Variants in TTC28 observed in about 807,000 individuals in gnomAD.
TTC28 encodes tetratricopeptide repeat domain 28.
In TTC28, 61 loss-of-function variants were observed where a neutral mutation model predicts 198.0. The observed-to-expected ratio is 0.31, with a 90% CI of 0.25 to 0.38. TTC28 has a LOEUF of 0.38. Ranked by LOEUF, TTC28 falls within the 10% of genes least tolerant of loss-of-function variation. TTC28 has a pLI of 1.00. For synonymous variants in TTC28, 1,171 were observed against 1,297.8 expected (o/e 0.90, Z 2.10); for missense variants, 2,678 against 3,164.0 (o/e 0.85, Z 3.69).
intron 2 of TTC28, among the ~76,000 whole-genome samples, chr22:28,526,042 A>G (rs940091061): frequency 1.3e-5 from 2 of 152,242 alleles, no homozygotes; most frequent in African/African-American, 2.4e-5. Flanking sequence ...TAGTAATGCT[A>G]TCAACAAAGT....
At chr22:28,529,941 A>T (rs1569002074) in intron 2 of TTC28, among the ~76,000 whole-genome samples, 1 of 152,198 alleles carries the variant, frequency 6.6e-6, no homozygotes, top group Non-Finnish European at 1.5e-5. Flanking sequence ...ATAAAACCAC[A>T]AAAATGGGGA....
chr22:28,586,960 G>A (rs1439849283), intron 2 of TTC28, among the ~76,000 whole-genome samples: 1 of 152,156 alleles, frequency 6.6e-6, no homozygotes, highest in African/African-American at 2.4e-5. Context: ...GGTAGCTCAC[G>A]TGTGTAATCT....
In TTC28 at chr22:27,983,379, C is replaced by T. The variant is rs61746677; in HGVS notation, c.6288G>A (p.Ser2096=). 12 of 1,551,058 alleles carry T rather than the reference C, an allele frequency of 7.7e-6. No homozygotes were observed. The highest frequency in any genetic ancestry group is 2.4e-5 in the East Asian group (1 of 40,890). The change falls in exon 23 of 23, where the codon TCG becomes TCA. Residue 2096 remains serine (S), a synonymous_variant. Coordinates refer to ENST00000397906, the MANE Select transcript of TTC28 (RefSeq NM_001145418.2). ...QPGTAGGMRV[S]VSSKGSISTP... is the part of the protein sequence containing the mutation. ...TGCTGATGCTCCCTTTGGAGCTCAC[C>T]GAGACTCTCATGCCTCCGGCTGTCC...
chr22:28,215,513 G>A (rs1476507408), intron 5 of TTC28, among the ~76,000 whole-genome samples: 11 of 152,114 alleles, frequency 7.2e-5, no homozygotes, highest in Non-Finnish European at 1.6e-4. Context: ...ATTTTCTTCT[G>A]TATAAAAATA....
chr22:28,312,223 T>C (rs1183408913), intron 2 of TTC28, among the ~76,000 whole-genome samples: 1 of 152,028 alleles, frequency 6.6e-6, no homozygotes, highest in South Asian at 2.1e-4. Flanking sequence ...AGCAAGTTCT[T>C]AGAGACCTAC....
chr22:28,099,954 T>C (rs1291110809), intron 9 of TTC28, among the ~76,000 whole-genome samples: 1 of 152,232 alleles, frequency 6.6e-6, no homozygotes, highest in Non-Finnish European at 1.5e-5. Context: ...CCCACTCACA[T>C]AGACATTCTG....
At chr22:28,660,695 T>G (rs2145694503) in intron 1 of TTC28, among the ~76,000 whole-genome samples, 1 of 152,190 alleles carries the variant, frequency 6.6e-6, no homozygotes. Flanking sequence ...GGCTAATTTT[T>G]GTGTTTTCAG....
chr22:28,376,620 C>T (rs2046412970), intron 2 of TTC28, among the ~76,000 whole-genome samples: 1 of 152,064 alleles, frequency 6.6e-6, no homozygotes, highest in Non-Finnish European at 1.5e-5. Context: ...AAGGGGTAAG[C>T]CCTACCTCTA....
At chr22:28,552,743 GCCTCTC>G (rs1225856095) in intron 2 of TTC28, among the ~76,000 whole-genome samples, 13 of 149,052 alleles carry the variant, frequency 8.7e-5, no homozygotes, top group East Asian at 4.0e-4. Flanking sequence ...ATGGATCAAA[GCCTCTC>G]CCTCTCCCTC....
chr22:28,389,368 G>C lies in TTC28; in HGVS notation c.382-82725C>G, dbSNP rs966050361. Among the ~76,000 whole-genome samples, 3 of 151,758 alleles carry C rather than the reference G, an allele frequency of 2.0e-5. No individual in the cohort carries two copies. The East Asian group carries it at 5.8e-4, about 29-fold the overall frequency. ...GATGCTGGCCTCATAAAATGAGTTA[G>C]GGAGGATTCCCTCTTTTTCTATTGA... On this transcript the variant is annotated intron_variant, in intron 2 of 22. Coordinates refer to ENST00000397906, the MANE Select transcript of TTC28 (RefSeq NM_001145418.2).
At chr22:28,006,759 T>C (rs573077821) in intron 14 of TTC28, 2 of 152,350 alleles carry the variant, frequency 1.3e-5, no homozygotes, top group South Asian at 2.1e-4. Flanking sequence ...TGAATTCTGA[T>C]TGGATTGCCG....
intron 6 of TTC28, among the ~76,000 whole-genome samples, chr22:28,162,128 A>G (rs1921284768): frequency 6.6e-6 from 1 of 152,196 alleles, no homozygotes; most frequent in Admixed American, 6.5e-5. Flanking sequence ...CTGTTTGAAT[A>G]CAGGGATAAG....
intron 18 of TTC28, chr22:27,993,043 G>A (rs930795033): frequency 2.4e-5 from 14 of 572,722 alleles, no homozygotes; most frequent in Middle Eastern, 4.6e-4. Context: ...CCATCATCCC[G>A]GGAAGGGGCA....
At position 28,076,644 on chromosome 22, in the gene TTC28, A is replaced by G. The variant is rs978349493; in HGVS notation, c.3932+17436T>C. Among the ~76,000 whole-genome samples the G allele has an allele frequency of 1.1e-4, 16 of 152,296 alleles. No homozygotes were observed. The Middle Eastern group carries it at 0.01, about 97-fold the overall frequency. On this transcript the variant is annotated intron_variant, in intron 12 of 22. Transcript: ENST00000397906. ...CAGGCTGGAGTGCAGTGGCGCAACC[A>G]TAGCTCACTGCAGGCTCAAACTCCT...
At chr22:28,047,516 A>G (rs950740228) in intron 12 of TTC28, among the ~76,000 whole-genome samples, 1 of 152,226 alleles carries the variant, frequency 6.6e-6, no homozygotes, top group Non-Finnish European at 1.5e-5. Flanking sequence ...ACCTGGGTCC[A>G]GCAAGCCGCA....
In TTC28 at chr22:28,564,432, C is replaced by G. The variant is rs1474252954; in HGVS notation, c.381+65120G>C. Among the ~76,000 whole-genome samples the G allele has an allele frequency of 3.9e-5, 6 of 152,228 alleles. No homozygotes were observed. In the South Asian group the frequency reaches 6.2e-4, roughly 16 times the overall value. Reference sequence around the variant, plus strand: ...CTTTTTAATTTTAGTGACTTTTCCACCACTAAATTCAGACTTTTGTTTTAT... The same window carrying G: ...CTTTTTAATTTTAGTGACTTTTCCAGCACTAAATTCAGACTTTTGTTTTAT... On this transcript the variant is annotated intron_variant, in intron 2 of 22. Transcript: ENST00000397906.
intron 2 of TTC28, among the ~76,000 whole-genome samples, chr22:28,416,362 A>G (rs1313619353): frequency 3.9e-5 from 6 of 152,224 alleles, no homozygotes; most frequent in Non-Finnish European, 8.8e-5. Flanking sequence ...ACAATTTCCT[A>G]CATAATTCTG....
intron 1 of TTC28, among the ~76,000 whole-genome samples, chr22:28,653,932 G>GATATTGTGC (rs1376024842): frequency 6.6e-6 from 1 of 152,190 alleles, no homozygotes; most frequent in East Asian, 1.9e-4. Context: ...TCTGTCTTCA[G>GATATTGTGC]ATATTGTGCA....
At chr22:28,527,215 C>A (rs1415509419) in intron 2 of TTC28, among the ~76,000 whole-genome samples, 2 of 152,216 alleles carry the variant, frequency 1.3e-5, no homozygotes, top group Non-Finnish European at 2.9e-5. Context: ...GCCCACTCAA[C>A]ACAGATACTG....
Sources: allele counts gnomAD v4.1 joint callset (sites outside exome capture counted in the v4.1 genomes callset), GRCh38; gene constraint gnomAD v4.1.1; transcripts MANE v1.5; gene names NCBI Gene and HGNC (gene_info 2026-07-23, HGNC 2026-07-21).